Variants in BEGAIN observed in about 807,000 individuals in gnomAD.
BEGAIN encodes brain enriched guanylate kinase associated.
Under a neutral mutation model 35.8 loss-of-function variants are expected in BEGAIN, and 19 were observed. That is an observed-to-expected ratio of 0.53 (90% CI 0.37 to 0.78). BEGAIN has a LOEUF of 0.78. Ranked by LOEUF, BEGAIN falls within the 30% of genes least tolerant of loss-of-function variation. The pLI is 0.00. For synonymous variants in BEGAIN, 462 were observed against 388.6 expected, an observed-to-expected ratio of 1.19 and a Z score of -2.22; for missense variants, 795 against 853.6, an observed-to-expected ratio of 0.93 and a Z score of 0.85.
chr14:100,570,352 A>C (rs2035039317), intron 1 of BEGAIN, among the ~76,000 whole-genome samples: 1 of 152,216 alleles, frequency 6.6e-6, no homozygotes, highest in Non-Finnish European at 1.5e-5. Flanking sequence ...GGCAAGAGAC[A>C]GGCAGGGAAC....
At chr14:100,545,879 C>T (rs537746890) in intron 3 of BEGAIN, 1 of 152,364 alleles carries the variant, frequency 6.6e-6, no homozygotes, top group South Asian at 2.1e-4. Context: ...TCTACAAATA[C>T]CTAAAACAAA....
chr14:100,587,222 C>T (rs1345981699), intron 1 of BEGAIN, 27 bp downstream of exon 1: 1 of 188,856 alleles, frequency 5.3e-6, no homozygotes, highest in Admixed American at 6.0e-5. Flanking sequence ...CGCCCGCGCC[C>T]TGCCCTCCCG....
chr14:100,566,599 T>C (rs767009948), intron 2 of BEGAIN, among the ~76,000 whole-genome samples: 47 of 152,312 alleles, frequency 3.1e-4, no homozygotes, highest in Non-Finnish European at 5.6e-4. Flanking sequence ...GGCCAGAGCC[T>C]GAGTTTGGGC....
At chr14:100,585,444 CCATCCATCCATCCATT>C (rs1303067867) in intron 1 of BEGAIN, among the ~76,000 whole-genome samples, 2 of 140,530 alleles carry the variant, frequency 1.4e-5, no homozygotes, top group Non-Finnish European at 3.1e-5. Flanking sequence ...ATCCATCCAT[CCATCCATCCATCCATT>C]CATCCATCCA....
chr14:100,560,366 A>G (rs956449119), intron 2 of BEGAIN, among the ~76,000 whole-genome samples: 3 of 152,080 alleles, frequency 2.0e-5, no homozygotes, highest in Non-Finnish European at 4.4e-5. Flanking sequence ...CAGCAGCACC[A>G]CCTGCCCCTG....
intron 5 of BEGAIN, among the ~76,000 whole-genome samples, chr14:100,542,206 G>A (rs1231190335): frequency 6.6e-6 from 1 of 152,062 alleles, no homozygotes; most frequent in Admixed American, 6.6e-5. Context: ...CTCCACCACC[G>A]ACCTCCAGTT....
rs150065162 is a variant in BEGAIN, at chr14:100,553,689, G to T, written c.72-7027C>A. Among the ~76,000 whole-genome samples, 57 of 152,248 alleles carry T rather than the reference G, an allele frequency of 3.7e-4. 1 individual carries two copies. Among genetic ancestry groups the T allele is most frequent in the African/African-American group, 1.3e-3 (56 of 41,546 alleles). On this transcript the variant is annotated intron_variant, in intron 2 of 6. Transcript: ENST00000554140. ...GCTCAGATGCCACCTCTTCCAGGAA[G>T]TCTTTCTCGGTTCCCCCTGCTGAAG...
intron 6 of BEGAIN, chr14:100,540,024 T>C (rs1383520522): frequency 6.2e-6 from 1 of 162,172 alleles, no homozygotes; most frequent in African/African-American, 2.4e-5. Flanking sequence ...CTGGCCCATC[T>C]GCCCTTGGCA....
chr14:100,537,299 C>G lies in BEGAIN; in HGVS notation c.*670G>C, dbSNP rs1314581480. 1 of 152,668 alleles carries G rather than the reference C, an allele frequency of 6.6e-6. No homozygotes were observed. The highest frequency in any genetic ancestry group is 1.5e-5 in the Non-Finnish European group (1 of 68,082). The allele number at this position is 152,668 out of a possible 1,614,324, so 9.5% of individuals were successfully genotyped here. On this transcript the variant is annotated 3_prime_UTR_variant, in exon 7 of 7. Coordinates refer to ENST00000554140, the MANE Select transcript of BEGAIN (RefSeq NM_001385089.1). ...GAGTAAGACGGTGTCAGGGGGCGGA[C>G]CCGGGGGCGGAGATGAGCACCGGCC...
chr14:100,577,669 C>G (rs1566982106), intron 1 of BEGAIN: 2 of 398,996 alleles, frequency 5.0e-6, no homozygotes, highest in Non-Finnish European at 8.8e-6. Flanking sequence ...TGCGAGGGAG[C>G]CAGTGACAGC....
chr14:100,574,884 T>C (rs1294229121), intron 1 of BEGAIN, among the ~76,000 whole-genome samples: 1 of 152,226 alleles, frequency 6.6e-6, no homozygotes, highest in East Asian at 1.9e-4. Context: ...CCCAGGGCCA[T>C]GCCCCTGGCC....
intron 6 of BEGAIN, 111 bp from the exon 7 acceptor site, chr14:100,539,426 C>T (rs2031217696): frequency 1.4e-6 from 2 of 1,456,428 alleles, no homozygotes; most frequent in Non-Finnish European, 1.8e-6. Context: ...GACAGGCAGA[C>T]AGACGAACGG....
intron 2 of BEGAIN, among the ~76,000 whole-genome samples, chr14:100,564,187 T>C (rs1009199723): frequency 2.6e-5 from 4 of 151,830 alleles, no homozygotes; most frequent in African/African-American, 9.7e-5. Flanking sequence ...TTGAACTCCT[T>C]GACACAGGTG....
chr14:100,545,485 A>C, intron 3 of BEGAIN: 20 of 957,666 alleles, frequency 2.1e-5, no homozygotes, highest in Non-Finnish European at 2.5e-5. Flanking sequence ...GATGGGCCCC[A>C]GGGTGAGGCT....
rs763383050 is a variant in BEGAIN, at chr14:100,538,933, G to GCCT, written c.872_874dup (p.Glu291dup). On this transcript the variant is annotated inframe_insertion, in exon 7 of 7. Coordinates refer to ENST00000554140, the MANE Select transcript of BEGAIN (RefSeq NM_001385089.1). ...GCCCGCCGGGAAGGCCGCCGCCTCG[G>GCCT]CCTCCTCCTCCTCCTCGGCCGCGCT... is the stretch of plus-strand genomic sequence containing the variant. 32 of 1,551,534 alleles carry GCCT rather than the reference G, an allele frequency of 2.1e-5. No homozygotes were observed. The highest frequency in any genetic ancestry group is 2.4e-5 in the Non-Finnish European group (27 of 1,137,170).
rs947644732 is a variant in BEGAIN at position 100,563,899 on chromosome 14, GA to G, written c.71+4011del. The stretch of plus-strand genomic sequence containing the variant: ...CCCTCACAAACAGAATAGTTTTGGT[GA>G]AAAAAAGCCACCCCCAAAACACAGG... On this transcript the variant is annotated intron_variant, in intron 2 of 6. Coordinates refer to ENST00000554140, the MANE Select transcript of BEGAIN (RefSeq NM_001385089.1). This position sits in a 1 kb window ranked among gnomAD's most constrained non-coding sequence, Gnocchi z 4.2. Among the ~76,000 whole-genome samples the G allele has an allele frequency of 1.2e-4, 19 of 152,134 alleles. No individual in the cohort carries two copies. Among genetic ancestry groups the G allele is most frequent in the African/African-American group, 2.7e-4 (11 of 41,420 alleles).
At chr14:100,544,211 G>T (rs1458121950) in intron 4 of BEGAIN, among the ~76,000 whole-genome samples, 2 of 152,190 alleles carry the variant, frequency 1.3e-5, no homozygotes, top group African/African-American at 4.8e-5. Context: ...GCAACACAGA[G>T]GTGACAGCGT....
Position 100,538,380 on chromosome 14 carries a change from G to T in BEGAIN, c.1428C>A (p.Gly476=). ...GGCTGGCGCGGCCGTCGGCCTTCTTGCCCGGGCTGCCCCCGGCCCCGCCGT... is the reference window on the plus strand; with the variant it reads ...GGCTGGCGCGGCCGTCGGCCTTCTTTCCCGGGCTGCCCCCGGCCCCGCCGT... ...RYYGGAGGSP[G]KKADGRASPL... The change falls in exon 7 of 7, where the codon GGC becomes GGA. Residue 476 remains glycine, a synonymous_variant. Transcript: ENST00000554140. The T allele has an allele frequency of 6.6e-7, 1 of 1,515,738 alleles. No homozygotes were observed. 93.9% of individuals were successfully genotyped at this position (1,515,738 alleles called of 1,614,324 possible). A position where few individuals can be genotyped will look rare whatever the true frequency, so the allele number is the denominator to read the frequency against.
chr14:100,556,836 C>T (rs574860905), intron 2 of BEGAIN, among the ~76,000 whole-genome samples: 6 of 152,224 alleles, frequency 3.9e-5, no homozygotes, highest in East Asian at 3.9e-4. Context: ...GGGTTTCTGA[C>T]GAGGGTGGGT....
Sources: gnomAD v4.1 joint callset for allele counts (sites outside exome capture counted in the v4.1 genomes callset) on GRCh38, gnomAD v4.1.1 for gene constraint, Gnocchi (gnomAD v3.1) non-coding constraint, MANE v1.5 for transcripts, NCBI Gene and HGNC (gene_info 2026-07-23, HGNC 2026-07-21) for gene names.